RYR2: variants seen among roughly 807,000 people sequenced by gnomAD.
RYR2 encodes cardiac muscle ryanodine receptor-calcium release channel.
In RYR2, 227 loss-of-function variants were observed where a neutral mutation model predicts 601.1. The ratio of observed to expected loss-of-function variants is 0.38; its 90% confidence interval spans 0.34 to 0.42. The LOEUF (loss-of-function observed/expected upper bound fraction) is 0.42, where lower values mean the gene tolerates loss of function less well. RYR2 is among the 10% of genes least tolerant of loss of function. The pLI is 1.00. For missense variants in RYR2, 4,646 were observed against 6,156.5 expected, an observed-to-expected ratio of 0.75 and a Z score of 8.21; for synonymous variants, 2,223 against 2,175.1, an observed-to-expected ratio of 1.02 and a Z score of -0.61.
At chr1:237,341,598 G>C (rs201569613) in intron 3 of RYR2, 422 of 510,326 alleles carry the variant, frequency 8.3e-4, no homozygotes, top group South Asian at 5.9e-3. Context: ...TGTGGTATTC[G>C]CTTGCTATAC....
intron 27 of RYR2, among the ~76,000 whole-genome samples, chr1:237,556,935 A>AC (rs5781970): frequency 0.38 from 52,459 of 139,044 alleles, 10,985 homozygotes; most frequent in East Asian, 0.56. Flanking sequence ...AAAATAACAA[A>AC]ATTTGTTATC....
At chr1:237,594,886 G>GTTTTTTTTGTTTTTTTTTTTTTTTTTTTT (rs1675642723) in intron 33 of RYR2, among the ~76,000 whole-genome samples, 2 of 60,420 alleles carry the variant, frequency 3.3e-5, no homozygotes, top group African/African-American at 9.5e-5. Context: ...ATATCACTGG[G>GTTTTTTTTGTTTTTTTTTTTTTTTTTTTT]TTTTTTTTTT....
At chr1:237,452,043 C>T in intron 14 of RYR2, among the ~76,000 whole-genome samples, 1 of 124,764 alleles carries the variant, frequency 8.0e-6, no homozygotes. Context: ...GAGCTCTATT[C>T]TTTTGGCCTG....
At chr1:237,340,448 A>G (rs1466564079) in intron 3 of RYR2, among the ~76,000 whole-genome samples, 3 of 152,214 alleles carry the variant, frequency 2.0e-5, no homozygotes, top group Admixed American at 6.5e-5. Flanking sequence ...AAATAGTTCA[A>G]TCAGAGAGCA....
rs563267039 is a variant in RYR2, at chr1:237,202,339, T to A, written c.49-68158T>A. 4.6e-4 allele frequency among the ~76,000 whole-genome samples: 70 copies of A among 152,306 alleles called. 1 individual carries two copies. Among genetic ancestry groups the A allele is most frequent in the African/African-American group, 1.7e-3 (69 of 41,568 alleles). Reference sequence around the variant, plus strand: ...ACTTGAACATTGGGAATAGATTTGATGGTCACTTAGCAAAATCTCAATTTC... The same window carrying A: ...ACTTGAACATTGGGAATAGATTTGAAGGTCACTTAGCAAAATCTCAATTTC... On this transcript the variant is annotated intron_variant, in intron 1 of 104. Transcript: ENST00000366574.
intron 2 of RYR2, among the ~76,000 whole-genome samples, chr1:237,295,101 A>T (rs1475807611): frequency 2.6e-5 from 4 of 152,126 alleles, no homozygotes; most frequent in African/African-American, 9.7e-5. Context: ...CTGTAGTCCT[A>T]GTGATTCAGG....
intron 62 of RYR2, among the ~76,000 whole-genome samples, chr1:237,683,754 G>A (rs530113301): frequency 5.3e-5 from 8 of 152,096 alleles, no homozygotes; most frequent in Admixed American, 2.0e-4. Flanking sequence ...AATGATCAGA[G>A]CTTCCCTCTG....
Position 237,757,694 on chromosome 1 carries a change from T to C in RYR2, c.11246-3T>C, listed in dbSNP as rs761460667. 6.3e-7 allele frequency: 1 copy of C among 1,596,448 alleles called. No homozygotes were observed. The highest frequency in any genetic ancestry group is 1.7e-5 in the Admixed American group (1 of 59,974). On this transcript the variant is annotated splice_polypyrimidine_tract_variant and splice_region_variant and intron_variant, in intron 81 of 104. Transcript: ENST00000366574. ...AGGAACACTACTTTTTTATATTTCT[T>C]AGGTGAAACTGGACCAATGGTAGCA...
At chr1:237,775,263 A>G (rs2149324746) in intron 87 of RYR2, among the ~76,000 whole-genome samples, 1 of 152,300 alleles carries the variant, frequency 6.6e-6, no homozygotes, top group East Asian at 1.9e-4. Context: ...CAATGCTGAC[A>G]TTTTATATAC....
At chr1:237,207,113 A>T (rs1411295520) in intron 1 of RYR2, among the ~76,000 whole-genome samples, 2 of 151,570 alleles carry the variant, frequency 1.3e-5, no homozygotes, top group African/African-American at 4.8e-5. Context: ...GTTTGAGACC[A>T]GCCTGGACAA....
At chr1:237,283,862 G>A (rs1414220715) in intron 2 of RYR2, among the ~76,000 whole-genome samples, 2 of 152,156 alleles carry the variant, frequency 1.3e-5, no homozygotes, top group African/African-American at 2.4e-5. Context: ...ACATGAGTAA[G>A]TTCTTTAGTG....
intron 66 of RYR2, among the ~76,000 whole-genome samples, chr1:237,702,742 A>G (rs577826359): frequency 1.2e-3 from 189 of 152,214 alleles, no homozygotes; most frequent in African/African-American, 4.5e-3. Context: ...TATTTCAAAG[A>G]ATAAACCCAT....
intron 41 of RYR2, among the ~76,000 whole-genome samples, chr1:237,630,916 A>G (rs1261754105): frequency 6.6e-6 from 1 of 152,138 alleles, no homozygotes; most frequent in African/African-American, 2.4e-5. Flanking sequence ...GAATCCTTTT[A>G]AGTATTTGTC....
intron 8 of RYR2, 88 bp from the exon 9 acceptor site, chr1:237,387,193 G>T (rs945770291): frequency 8.8e-7 from 1 of 1,132,508 alleles, no homozygotes; most frequent in Admixed American, 1.7e-5. Flanking sequence ...AACCAAATCA[G>T]CAACGTTAAG....
At chr1:237,660,615 T>C (rs1332094009) in intron 55 of RYR2, among the ~76,000 whole-genome samples, 195 bp from the exon 56 acceptor site, 1 of 152,220 alleles carries the variant, frequency 6.6e-6, no homozygotes, top group East Asian at 1.9e-4. Context: ...GGATCCCTCT[T>C]ACTAACATTA....
intron 84 of RYR2, among the ~76,000 whole-genome samples, chr1:237,767,839 G>A (rs149312334): frequency 1.3e-5 from 2 of 152,060 alleles, no homozygotes; most frequent in African/African-American, 4.8e-5. Context: ...CGATCTTAAG[G>A]TCCCCTCAAG....
intron 1 of RYR2, among the ~76,000 whole-genome samples, chr1:237,105,834 CAAAA>C (rs34759459): frequency 0.01 from 909 of 87,034 alleles, 7 homozygotes; most frequent in African/African-American, 0.037. Flanking sequence ...GACTCTGTCT[CAAAA>C]AAAAAAAAAA....
chr1:237,610,436 G>A lies in RYR2; in HGVS notation c.4684-326G>A, dbSNP rs1034880163. Among the ~76,000 whole-genome samples the A allele has an allele frequency of 2.6e-5, 4 of 152,266 alleles. No homozygotes were observed. Among genetic ancestry groups the A allele is most frequent in the Non-Finnish European group, 2.9e-5 (2 of 68,020 alleles). On this transcript the variant is annotated intron_variant, in intron 35 of 104. Coordinates refer to ENST00000366574, the MANE Select transcript of RYR2 (RefSeq NM_001035.3). The surrounding 1 kb of genome is among the most constrained non-coding windows in gnomAD (Gnocchi z 4.9). ...TCCCTAAAGACTTGCCAGCTTTCCC[G>A]GAGGTCCCAGCCTGGTAAAGAAATA...
intron 1 of RYR2, among the ~76,000 whole-genome samples, chr1:237,150,601 C>A (rs946294264): frequency 1.3e-5 from 2 of 152,122 alleles, no homozygotes; most frequent in African/African-American, 2.4e-5. Flanking sequence ...ATAGCATAGT[C>A]TGTACAAACA....
Sources: gnomAD v4.1 joint callset for allele counts (sites outside exome capture counted in the v4.1 genomes callset) on GRCh38, gnomAD v4.1.1 for gene constraint, Gnocchi (gnomAD v3.1) non-coding constraint, MANE v1.5 for transcripts, NCBI Gene and HGNC (gene_info 2026-07-23, HGNC 2026-07-21) for gene names.